The following LZTFL1 variants were observed in gnomAD, a reference collection of about 807,000 sequenced individuals.
LZTFL1 encodes the protein leucine zipper transcription factor-like protein 1.
In LZTFL1, 25 loss-of-function variants were observed where a neutral mutation model predicts 45.9. That is an observed-to-expected ratio of 0.54 (90% confidence interval 0.40 to 0.76). LZTFL1 has a LOEUF of 0.76. LZTFL1 is among the 30% of genes least tolerant of loss of function. The pLI, the probability that LZTFL1 is intolerant of heterozygous loss-of-function variation, is 0.00. For synonymous variants in LZTFL1, 93 were observed against 117.4 expected (o/e 0.79, Z 1.35); for missense variants, 277 against 331.1 (o/e 0.84, Z 1.27).
rs1282893136 is a variant in LZTFL1, at chr3:45,895,441, T to G, written c.-215+17679A>C. On this transcript the variant is annotated intron_variant, in intron 2 of 4. Transcript: ENST00000472635. ...AATTAGTGAGTCAGTCTGGGCGTGG[T>G]AGCTCACGCCTGTAATCCCAGCACT... Among the ~76,000 whole-genome samples the G allele has an allele frequency of 2.6e-5, 4 of 152,336 alleles. No individual in the cohort carries two copies. In the East Asian group the frequency reaches 5.8e-4, roughly 22 times the overall value.
At chr3:45,885,826 C>T (rs1361276832) in intron 2 of LZTFL1, among the ~76,000 whole-genome samples, 2 of 152,332 alleles carry the variant, frequency 1.3e-5, no homozygotes, top group East Asian at 1.9e-4. Flanking sequence ...ATCCTTCCAC[C>T]TCAGCTTCCC....
intron 2 of LZTFL1, among the ~76,000 whole-genome samples, chr3:45,860,485 G>A (rs914391220): frequency 3.8e-4 from 57 of 151,138 alleles, no homozygotes; most frequent in Non-Finnish European, 7.5e-4. Flanking sequence ...TTGTTTTTTG[G>A]TAGGTGGTGA....
At chr3:45,895,065 AG>A in intron 2 of LZTFL1, 1 of 1,185,676 alleles carries the variant, frequency 8.4e-7, no homozygotes, top group Non-Finnish European at 1.3e-6. Context: ...GTGGTTTCCC[AG>A]GGTAAGATCT....
At chr3:45,842,258 T>C, upstream of LZTFL1, 1 of 1,141,134 alleles carries the variant, frequency 8.8e-7, no homozygotes, top group Non-Finnish European at 1.2e-6. Flanking sequence ...TCCCACCTTT[T>C]TGTGCCAGTT....
At position 45,828,501 on chromosome 3, in the gene LZTFL1, T is replaced by C. The variant is rs1331311491; in HGVS notation, c.715A>G (p.Asn239Asp). The stretch of plus-strand genomic sequence containing the variant: ...AGATCGTGCTTGGCTGTCGCCAGAT[T>C]CTCCTCCAGTGACTTCTGGTTTTCT... Reference protein sequence around the residue: ...KTENQKSLEENLATAKHDLLR... With the variant: ...KTENQKSLEEDLATAKHDLLR... Residue 239 changes from asparagine to aspartate, a missense_variant, in exon 8 of 10, where the codon AAT becomes GAT. Coordinates refer to ENST00000296135, the MANE Select transcript of LZTFL1 (RefSeq NM_020347.4). 7 of 1,614,102 alleles carry C rather than the reference T, an allele frequency of 4.3e-6. No homozygotes were observed. The highest frequency in any genetic ancestry group is 3.3e-5 in the South Asian group (3 of 91,090).
intron 2 of LZTFL1, among the ~76,000 whole-genome samples, chr3:45,879,354 T>C (rs1164375750): frequency 6.6e-6 from 1 of 152,152 alleles, no homozygotes; most frequent in African/African-American, 2.4e-5. Context: ...TAGCAAGCCA[T>C]GAAAAGACAT....
chr3:45,873,754 A>C (rs1343819110), intron 2 of LZTFL1, among the ~76,000 whole-genome samples: 1 of 152,258 alleles, frequency 6.6e-6, no homozygotes, highest in East Asian at 1.9e-4. Context: ...CCAAACCAAA[A>C]CAAAACCTCT....
intron 2 of LZTFL1, among the ~76,000 whole-genome samples, chr3:45,891,789 T>G: frequency 6.6e-6 from 1 of 152,174 alleles, no homozygotes; most frequent in East Asian, 1.9e-4. Flanking sequence ...GTTTCTCAGT[T>G]TTTCTTTGTC....
At chr3:45,828,406 A>T in intron 8 of LZTFL1, 33 bp downstream of exon 8, 3 of 1,600,468 alleles carry the variant, frequency 1.9e-6, no homozygotes, top group Non-Finnish European at 2.6e-6. Flanking sequence ...ATCATGCATT[A>T]ACAGACAAAT....
intron 2 of LZTFL1, among the ~76,000 whole-genome samples, chr3:45,892,995 A>G (rs1287564464): frequency 6.6e-6 from 1 of 152,162 alleles, no homozygotes; most frequent in Non-Finnish European, 1.5e-5. Flanking sequence ...ATTATAATAA[A>G]CTGCAAATAT....
chr3:45,907,274 G>T (rs1702701793), intron 2 of LZTFL1, among the ~76,000 whole-genome samples: 1 of 152,150 alleles, frequency 6.6e-6, no homozygotes, highest in South Asian at 2.1e-4. Context: ...CTCCTTCTGG[G>T]AGTCACCCTC....
intron 2 of LZTFL1, among the ~76,000 whole-genome samples, chr3:45,898,019 A>G (rs1357591536): frequency 1.3e-5 from 2 of 149,688 alleles, no homozygotes; most frequent in African/African-American, 4.9e-5. Flanking sequence ...ACACCAACCC[A>G]CAAATAACAA....
chr3:45,835,826 A>T lies in LZTFL1; in HGVS notation c.129-42T>A, dbSNP rs371482077. 1.0e-5 allele frequency: 15 copies of T among 1,444,846 alleles called. No homozygotes were observed. The South Asian group carries it at 1.2e-4, about 12-fold the overall frequency. The allele number at this position is 1,444,846 out of a possible 1,614,324, so 89.5% of individuals were successfully genotyped here. On this transcript the variant is annotated intron_variant, in intron 2 of 9. Transcript: ENST00000296135. ...ATCCAAAACTTATAGAAAAACAACA[A>T]GAAAAATCTACAAAATACAGCAAAA...
intron 2 of LZTFL1, among the ~76,000 whole-genome samples, chr3:45,908,498 T>C (rs1247684606): frequency 6.6e-6 from 1 of 152,116 alleles, no homozygotes; most frequent in Admixed American, 6.5e-5. Flanking sequence ...CTGATGGTTA[T>C]CAGTACAGGA....
upstream of LZTFL1, among the ~76,000 whole-genome samples, chr3:45,842,853 T>G (rs987713475): frequency 2.0e-5 from 3 of 152,142 alleles, no homozygotes; most frequent in African/African-American, 7.2e-5. Context: ...CCAGGAGTGA[T>G]CACAGATCAG....
intron 2 of LZTFL1, among the ~76,000 whole-genome samples, chr3:45,905,118 AT>A (rs1156240435): frequency 6.6e-6 from 1 of 152,214 alleles, no homozygotes; most frequent in East Asian, 1.9e-4. Context: ...CTCAAAAAAA[AT>A]CTTTCTCTCC....
At chr3:45,915,623 G>C (rs1241130956) in exon 1 of LZTFL1, 1 of 399,178 alleles carries the variant, frequency 2.5e-6, no homozygotes, top group Admixed American at 3.0e-5. Context: ...ATGCATCTCA[G>C]GTTTTGTTCA....
intron 2 of LZTFL1, among the ~76,000 whole-genome samples, chr3:45,905,923 G>C (rs1192756840): frequency 6.6e-6 from 1 of 152,162 alleles, no homozygotes; most frequent in Non-Finnish European, 1.5e-5. Flanking sequence ...GGCAAATGCT[G>C]GTCGACTCTC....
chr3:45,912,978 C>A, intron 2 of LZTFL1: 1 of 780,046 alleles, frequency 1.3e-6, no homozygotes, highest in Non-Finnish European at 2.0e-6. Context: ...ATAGCAAATC[C>A]TGGTTTATGG....
Sources: allele counts gnomAD v4.1 joint callset (sites outside exome capture counted in the v4.1 genomes callset), GRCh38; gene constraint gnomAD v4.1.1; transcripts MANE v1.5; gene names NCBI Gene and HGNC (gene_info 2026-07-23, HGNC 2026-07-21).